SAPCD2: variants seen among roughly 807,000 people sequenced by gnomAD.
SAPCD2 encodes the protein suppressor APC domain-containing protein 2.
A neutral mutation model predicts 37.8 loss-of-function variants in SAPCD2; 34 were observed. That is an observed-to-expected ratio of 0.90 (90% confidence interval 0.68 to 1.20). SAPCD2 has a LOEUF of 1.20. Among genes scored for constraint, SAPCD2 ranks in the 50% most tolerant of loss-of-function variants. The pLI is 0.00. For synonymous variants in SAPCD2, 275 were observed against 270.3 expected (o/e 1.02, Z -0.17); for missense variants, 572 against 584.7 (o/e 0.98, Z 0.22).
intron 1 of SAPCD2, among the ~76,000 whole-genome samples, chr9:137,067,519 C>T (rs2064128621): frequency 6.7e-6 from 1 of 149,916 alleles, no homozygotes; most frequent in South Asian, 2.1e-4. Flanking sequence ...CACCTGTAAT[C>T]CCAGCACTTT....
chr9:137,065,468 G>A (rs1425852207), intron 3 of SAPCD2, 54 bp downstream of exon 3: 9 of 1,531,742 alleles, frequency 5.9e-6, no homozygotes, highest in Non-Finnish European at 7.9e-6. Context: ...GGGTGCCTGG[G>A]GTGAGCTGGG....
In SAPCD2 at chr9:137,069,954, G is replaced by A; in HGVS notation, c.507C>T (p.Pro169=). 1 of 1,256,680 alleles carries A rather than the reference G, an allele frequency of 8.0e-7. No homozygotes were observed. Among genetic ancestry groups the A allele is most frequent in the Admixed American group, 4.2e-5 (1 of 23,946 alleles). 77.8% of individuals were successfully genotyped at this position (1,256,680 alleles called of 1,614,324 possible). A position where few individuals can be genotyped will look rare whatever the true frequency, so the allele number is the denominator to read the frequency against. The change falls in exon 1 of 6, where the codon CCC becomes CCT. Residue 169 remains proline, a synonymous_variant. Coordinates refer to ENST00000409687, the MANE Select transcript of SAPCD2 (RefSeq NM_178448.4). ...GGGACCGCTCGGGCTCCGCGGGGCA[G>A]GGCGCCGCCTCAGCCGGGGCGCACA... ...EQLCAPAEAA[P]CPAEPERSQS... is the part of the protein sequence containing the mutation.
chr9:137,066,450 A>C, intron 1 of SAPCD2, 76 bp from the exon 2 acceptor site: 1 of 1,119,142 alleles, frequency 8.9e-7, no homozygotes, highest in Non-Finnish European at 1.3e-6. Flanking sequence ...AGCGGCCTCC[A>C]CATCTCAGCC....
rs1234174175 is a variant in SAPCD2, at chr9:137,062,869, C to G, written c.*1790G>C. The G allele has an allele frequency of 6.6e-6, 1 of 152,268 alleles. No homozygotes were observed. Among genetic ancestry groups the G allele is most frequent in the Non-Finnish European group, 1.5e-5 (1 of 68,044 alleles). The allele number at this position is 152,268 out of a possible 1,614,324, so 9.4% of individuals were successfully genotyped here. On this transcript the variant is annotated 3_prime_UTR_variant, in exon 6 of 6. Transcript: ENST00000409687. Reference sequence around the variant, plus strand: ...AGGCAGTTTTTCCGGAGGTGCCAGCCTGTCTCACATTTCCGCTTCAGCTGC... The same window carrying G: ...AGGCAGTTTTTCCGGAGGTGCCAGCGTGTCTCACATTTCCGCTTCAGCTGC...
chr9:137,063,368 G>GC lies in SAPCD2; in HGVS notation c.*1290dup, dbSNP rs1392368493. ...GGCTCCGGAAGGGAGTTGCCACGCT[G>GC]CCTGCCAGGGCCCCTCCTCTGAGAC... On this transcript the variant is annotated 3_prime_UTR_variant, in exon 6 of 6. Coordinates refer to ENST00000409687, the MANE Select transcript of SAPCD2 (RefSeq NM_178448.4). The GC allele has an allele frequency of 6.6e-6, 1 of 152,322 alleles. No individual in the cohort carries two copies. Among genetic ancestry groups the GC allele is most frequent in the Non-Finnish European group, 1.5e-5 (1 of 68,120 alleles). The allele number at this position is 152,322 out of a possible 1,614,324, so 9.4% of individuals were successfully genotyped here. A position where few individuals can be genotyped will look rare whatever the true frequency, so the allele number is the denominator to read the frequency against.
chr9:137,065,720 G>A (rs373653787), intron 2 of SAPCD2, 52 bp from the exon 3 acceptor site: 348 of 1,554,342 alleles, frequency 2.2e-4, no homozygotes, highest in Non-Finnish European at 2.6e-4. Context: ...GCACGCACAC[G>A]TCCACACATG....
intron 1 of SAPCD2, among the ~76,000 whole-genome samples, chr9:137,069,594 T>TG (rs1252071336): frequency 6.6e-6 from 1 of 152,162 alleles, no homozygotes; most frequent in Non-Finnish European, 1.5e-5. Flanking sequence ...TGGTACAGGT[T>TG]GGGCTCCCGG....
chr9:137,066,232 G>T, intron 2 of SAPCD2, 30 bp downstream of exon 2: 1 of 1,538,196 alleles, frequency 6.5e-7, no homozygotes. Flanking sequence ...GCAAGATGGA[G>T]AGCCCCACAG....
In SAPCD2 at chr9:137,070,161, G is replaced by C; in HGVS notation, c.300C>G (p.Gly100=). The change falls in exon 1 of 6, where the codon GGC becomes GGG. Residue 100 remains glycine (G), a synonymous_variant. Coordinates refer to ENST00000409687, the MANE Select transcript of SAPCD2 (RefSeq NM_178448.4). The part of the protein sequence containing the change: ...GLRTSLLSAD[G]GPRDPTRAPA... ...GGGCGCGCGTGGGGTCCCGGGGGCCGCCGTCGGCGCTCAGCAGGGAGGTGC... is the reference window on the plus strand; with the variant it reads ...GGGCGCGCGTGGGGTCCCGGGGGCCCCCGTCGGCGCTCAGCAGGGAGGTGC... The C allele has an allele frequency of 1.6e-6, 2 of 1,223,138 alleles. No homozygotes were observed. Among genetic ancestry groups the C allele is most frequent in the Non-Finnish European group, 2.0e-6 (2 of 981,916 alleles). 75.8% of individuals were successfully genotyped at this position (1,223,138 alleles called of 1,614,324 possible). A position where few individuals can be genotyped will look rare whatever the true frequency, so the allele number is the denominator to read the frequency against.
chr9:137,064,426 C>T lies in SAPCD2; in HGVS notation c.*233G>A. On this transcript the variant is annotated 3_prime_UTR_variant, in exon 6 of 6. Coordinates refer to ENST00000409687, the MANE Select transcript of SAPCD2 (RefSeq NM_178448.4). ...GCGGACTATGCGGACTCAAGAGAGC[C>T]CCAGCCCATGTCAGCACCAGGAGCC... is the stretch of plus-strand genomic sequence containing the variant. 1.7e-6 allele frequency: 1 copy of T among 588,220 alleles called. No individual in the cohort carries two copies. The highest frequency in any genetic ancestry group is 3.0e-6 in the Non-Finnish European group (1 of 330,094). 36.4% of individuals were successfully genotyped at this position (588,220 alleles called of 1,614,324 possible). A position where few individuals can be genotyped will look rare whatever the true frequency, so the allele number is the denominator to read the frequency against.
rs552118584 is a variant in SAPCD2, at chr9:137,069,696, G to A, written c.571+194C>T. Among the ~76,000 whole-genome samples the A allele has an allele frequency of 2.0e-5, 3 of 152,322 alleles. No individual in the cohort carries two copies. The East Asian group carries it at 5.8e-4, about 29-fold the overall frequency. On this transcript the variant is annotated intron_variant, in intron 1 of 5. Coordinates refer to ENST00000409687, the MANE Select transcript of SAPCD2 (RefSeq NM_178448.4). ...GGCTTGCCTCCCTAAGCAAGCCCCT[G>A]GGCTCACCGCGACAAGCATGAAGCC... is the stretch of plus-strand genomic sequence containing the variant.
Position 137,065,679 on chromosome 9 carries a change from T to G in SAPCD2, c.685-11A>C, listed in dbSNP as rs531584116. The G allele has an allele frequency of 7.5e-6, 12 of 1,593,362 alleles. No homozygotes were observed. The East Asian group carries it at 2.7e-4, about 36-fold the overall frequency. ...CTTCATCTGCTTCAGCTGCAATACG[T>G]GCATTTACATGGAATGCCTGGCCCC... is the stretch of plus-strand genomic sequence containing the variant. On this transcript the variant is annotated splice_polypyrimidine_tract_variant and intron_variant, in intron 2 of 5. Transcript: ENST00000409687.
rs911532444 is a variant in SAPCD2 at position 137,063,981 on chromosome 9, G to C, written c.*678C>G. 7 of 154,390 alleles carry C rather than the reference G, an allele frequency of 4.5e-5. No individual in the cohort carries two copies. The highest frequency in any genetic ancestry group is 1.7e-4 in the African/African-American group (7 of 41,572). The allele number at this position is 154,390 out of a possible 1,614,324, so 9.6% of individuals were successfully genotyped here. Reference sequence around the variant, plus strand: ...GCAACGTCCCGGCCAAGAGGGGGAAGGCCATCACCCCAGGGTCTGTGGGAG... The same window carrying C: ...GCAACGTCCCGGCCAAGAGGGGGAACGCCATCACCCCAGGGTCTGTGGGAG... On this transcript the variant is annotated 3_prime_UTR_variant, in exon 6 of 6. Transcript: ENST00000409687.
At chr9:137,065,781 G>A (rs1288553985) in intron 2 of SAPCD2, 113 bp from the exon 3 acceptor site, 27 of 1,327,578 alleles carry the variant, frequency 2.0e-5, no homozygotes, top group Non-Finnish European at 2.8e-5. Context: ...AAATGCAGCA[G>A]CACGTGTACA....
intron 2 of SAPCD2, 85 bp downstream of exon 2, chr9:137,066,177 C>G (rs1381152997): frequency 9.3e-7 from 1 of 1,072,828 alleles, no homozygotes; most frequent in African/African-American, 1.6e-5. Context: ...TGGACTCCCC[C>G]AGGCTCAAGG....
chr9:137,065,319 T>A, intron 3 of SAPCD2, 134 bp from the exon 4 acceptor site: 1 of 915,468 alleles, frequency 1.1e-6, no homozygotes, highest in African/African-American at 1.7e-5. Context: ...CCCAGGGGCA[T>A]TGCTGAGGTG....
In SAPCD2 at chr9:137,064,318, C is replaced by A; in HGVS notation, c.*341G>T. 1 of 373,114 alleles carries A rather than the reference C, an allele frequency of 2.7e-6. No individual in the cohort carries two copies. The highest frequency in any genetic ancestry group is 5.0e-6 in the Non-Finnish European group (1 of 201,354). The allele number at this position is 373,114 out of a possible 1,614,324, so 23.1% of individuals were successfully genotyped here. A position where few individuals can be genotyped will look rare whatever the true frequency, so the allele number is the denominator to read the frequency against. On this transcript the variant is annotated 3_prime_UTR_variant, in exon 6 of 6. Transcript: ENST00000409687. Reference sequence around the variant, plus strand: ...GCAGTGCCTTTCCCTGAAGATGGGACCCAGGGCGGCACCGCTGGAAACGGG... The same window carrying A: ...GCAGTGCCTTTCCCTGAAGATGGGAACCAGGGCGGCACCGCTGGAAACGGG...
intron 1 of SAPCD2, among the ~76,000 whole-genome samples, chr9:137,067,736 C>T (rs1024375942): frequency 5.0e-5 from 7 of 139,588 alleles, no homozygotes; most frequent in East Asian, 2.1e-4. Flanking sequence ...ATTCGCGCCA[C>T]TGCACTCCAG....
chr9:137,065,761 C>A lies in SAPCD2; in HGVS notation c.685-93G>T. 3 of 1,447,820 alleles carry A rather than the reference C, an allele frequency of 2.1e-6. No homozygotes were observed. The South Asian group carries it at 3.9e-5, about 19-fold the overall frequency. The allele number at this position is 1,447,820 out of a possible 1,614,324, so 89.7% of individuals were successfully genotyped here. A position where few individuals can be genotyped will look rare whatever the true frequency, so the allele number is the denominator to read the frequency against. On this transcript the variant is annotated intron_variant, in intron 2 of 5. Transcript: ENST00000409687. ...GCTCACCTGTGGGTGGGCACCAGAG[C>A]CACAGACACAAATGCAGCAGCACGT...
Sources: gnomAD v4.1 joint callset for allele counts (sites outside exome capture counted in the v4.1 genomes callset) on GRCh38, gnomAD v4.1.1 for gene constraint, MANE v1.5 for transcripts, NCBI Gene and HGNC (gene_info 2026-07-23, HGNC 2026-07-21) for gene names.